Variants in IQSEC3 observed in about 807,000 individuals in gnomAD.
IQSEC3 encodes IQ motif and Sec7 domain ArfGEF 3, also known as IQ motif and SEC7 domain-containing protein 3.
A neutral mutation model predicts 105.4 loss-of-function variants in IQSEC3; 50 were observed. That is an observed-to-expected ratio of 0.47 (90% CI 0.38 to 0.60). The LOEUF is 0.60. Among genes scored for constraint, IQSEC3 ranks in the 20% least tolerant of loss-of-function variants. IQSEC3 has a pLI of 0.00. For missense variants in IQSEC3, 1,415 were observed against 1,630.0 expected (o/e 0.87, Z 2.27); for synonymous variants, 708 against 746.0 (o/e 0.95, Z 0.83).
intron 3 of IQSEC3, among the ~76,000 whole-genome samples, chr12:127,653 G>A (rs1375566238): frequency 3.3e-5 from 5 of 152,196 alleles, no homozygotes; most frequent in Admixed American, 6.5e-5. Context: ...ACTAGCATAA[G>A]ACATTCAGGC....
At chr12:94,379 T>C (rs1458651749) in intron 1 of IQSEC3, among the ~76,000 whole-genome samples, 1 of 152,198 alleles carries the variant, frequency 6.6e-6, no homozygotes, top group Non-Finnish European at 1.5e-5. Flanking sequence ...ACTTAGACCA[T>C]GACCTTGGGC....
In IQSEC3 at chr12:138,096, G is replaced by A. The variant is rs538354204; in HGVS notation, c.904-171G>A. Among the ~76,000 whole-genome samples the A allele has an allele frequency of 6.6e-6, 1 of 152,088 alleles. No homozygotes were observed. Among genetic ancestry groups the A allele is most frequent in the African/African-American group, 2.4e-5 (1 of 41,474 alleles). ...CCTACACCTCTAGGAGTCTTGCCAC[G>A]TGGCCAGGACGTTCTAGGCGGTTCA... On this transcript the variant is annotated intron_variant, in intron 3 of 13. Transcript: ENST00000538872. This position sits in a 1 kb window ranked among gnomAD's most constrained non-coding sequence, Gnocchi z 7.1.
At chr12:132,186 G>C (rs1038888500) in intron 3 of IQSEC3, among the ~76,000 whole-genome samples, 25 of 152,156 alleles carry the variant, frequency 1.6e-4, no homozygotes, top group African/African-American at 5.6e-4. Flanking sequence ...CTACCTGGAG[G>C]AAAGGGGAGG....
intron 4 of IQSEC3, 118 bp downstream of exon 4, chr12:139,472 T>A: frequency 1.3e-6 from 1 of 781,968 alleles, no homozygotes; most frequent in Non-Finnish European, 2.0e-6. Flanking sequence ...CATGCCAGGG[T>A]CCTCCAGGCA....
chr12:116,197 A>T (rs1865042427), intron 2 of IQSEC3, among the ~76,000 whole-genome samples: 1 of 152,156 alleles, frequency 6.6e-6, no homozygotes, highest in African/African-American at 2.4e-5. Flanking sequence ...CAGGAGTTTA[A>T]GCGACTTGCC....
rs1237452447 is a variant in IQSEC3 at position 178,419 on chromosome 12, TAG to T, written c.*3389_*3390del. The T allele has an allele frequency of 1.3e-5, 2 of 152,226 alleles. No individual in the cohort carries two copies. Among genetic ancestry groups the T allele is most frequent in the African/African-American group, 4.8e-5 (2 of 41,464 alleles). 9.4% of individuals were successfully genotyped at this position (152,226 alleles called of 1,614,324 possible). On this transcript the variant is annotated 3_prime_UTR_variant, in exon 14 of 14. Transcript: ENST00000538872. ...AGAGGTATTTTATCTGTTCAATTCA[TAG>T]AGTTTTAGAGATTATATTGAAAGAT...
At chr12:133,701 A>G (rs1218819662) in intron 3 of IQSEC3, among the ~76,000 whole-genome samples, 2 of 151,518 alleles carry the variant, frequency 1.3e-5, no homozygotes, top group African/African-American at 2.4e-5. Context: ...TTGGGTCAGT[A>G]TCTGGCATTT....
intron 1 of IQSEC3, among the ~76,000 whole-genome samples, chr12:72,079 C>T (rs1227651233): frequency 3.9e-5 from 6 of 152,408 alleles, no homozygotes; most frequent in Non-Finnish European, 7.3e-5. Context: ...GATTGTCTCA[C>T]TCCTCCTTAC....
chr12:75,541 C>G (rs1244456992), intron 1 of IQSEC3, among the ~76,000 whole-genome samples: 4 of 152,132 alleles, frequency 2.6e-5, no homozygotes, highest in African/African-American at 7.3e-5. Flanking sequence ...TTTCTAGGAT[C>G]TTAAAATAAT....
intron 7 of IQSEC3, among the ~76,000 whole-genome samples, chr12:160,820 C>T (rs1216506414): frequency 1.3e-5 from 2 of 152,168 alleles, no homozygotes; most frequent in Non-Finnish European, 2.9e-5. Flanking sequence ...TTGCTAAATC[C>T]ATCCACTTAT....
At chr12:117,373 A>G (rs935508348) in intron 2 of IQSEC3, among the ~76,000 whole-genome samples, 13 of 152,352 alleles carry the variant, frequency 8.5e-5, no homozygotes, top group African/African-American at 1.9e-4. Flanking sequence ...ATGACAATGT[A>G]AAATGCTCAA....
In IQSEC3 at chr12:174,847, C is replaced by T. The variant is rs755106942; in HGVS notation, c.3363C>T (p.Tyr1121=). Reference sequence around the variant, plus strand: ...TGCTGAGCCAGGCTCTCTCCTGCTACACCTCGTCGTCCTCTGACTCCTGCG... The same window carrying T: ...TGCTGAGCCAGGCTCTCTCCTGCTATACCTCGTCGTCCTCTGACTCCTGCG... ...EPLLSQALSC[Y]TSSSSDSCGS... Residue 1121 remains tyrosine (Y), a synonymous_variant, in exon 14 of 14, where the codon TAC becomes TAT. Transcript: ENST00000538872. 9 of 1,579,520 alleles carry T rather than the reference C, an allele frequency of 5.7e-6. No individual in the cohort carries two copies. In the African/African-American group the frequency reaches 8.1e-5, roughly 14 times the overall value.
intron 2 of IQSEC3, among the ~76,000 whole-genome samples, chr12:106,221 A>G (rs1555077870): frequency 6.6e-6 from 1 of 152,238 alleles, no homozygotes; most frequent in Non-Finnish European, 1.5e-5. Context: ...CATGTGGCTG[A>G]TGAAGAGCAG....
chr12:79,584 C>T (rs1233328740), intron 1 of IQSEC3, among the ~76,000 whole-genome samples: 5 of 152,066 alleles, frequency 3.3e-5, no homozygotes, highest in Admixed American at 6.5e-5. Context: ...GCATGCATCA[C>T]GACACCTGAC....
At chr12:148,271 G>C (rs1866362369) in intron 5 of IQSEC3, 1 of 152,168 alleles carries the variant, frequency 6.6e-6, no homozygotes, top group African/African-American at 2.4e-5. Flanking sequence ...CAAACTCTCA[G>C]TTCCCGCTCC....
At position 92,974 on chromosome 12, in the gene IQSEC3, G is replaced by A. The variant is rs184675436; in HGVS notation, c.555-6172G>A. On this transcript the variant is annotated intron_variant, in intron 1 of 13. Transcript: ENST00000538872. ...CTTTCTTTCTGTCATTTTCACAGAT[G>A]AAATAAAAGGGCTGGGTCAGGAAGG... Among the ~76,000 whole-genome samples, 122 of 152,310 alleles carry A rather than the reference G, an allele frequency of 8.0e-4. 2 individuals carry two copies. The highest frequency in any genetic ancestry group is 3.1e-3 in the Admixed American group (48 of 15,310).
rs1390369464 is a variant in IQSEC3, at chr12:110,529, G to A, written c.623+11315G>A. On this transcript the variant is annotated intron_variant, in intron 2 of 13. Transcript: ENST00000538872. ...CCTGCACTGGGGCCTGATCTCTGAG[G>A]TTATTGTTATCCCCTCTGGGATTTG... Among the ~76,000 whole-genome samples the A allele has an allele frequency of 2.6e-5, 4 of 151,920 alleles. No individual in the cohort carries two copies. In the East Asian group the frequency reaches 5.8e-4, roughly 22 times the overall value.
chr12:129,438 T>C (rs1865519429), intron 3 of IQSEC3, among the ~76,000 whole-genome samples: 1 of 152,150 alleles, frequency 6.6e-6, no homozygotes, highest in African/African-American at 2.4e-5. Flanking sequence ...TGCTGGCCCC[T>C]TCCCCAGCAC....
At chr12:95,759 A>G (rs554993468) in intron 1 of IQSEC3, among the ~76,000 whole-genome samples, 1 of 152,340 alleles carries the variant, frequency 6.6e-6, no homozygotes, top group South Asian at 2.1e-4. Context: ...TCATTTAACA[A>G]TATGTTGTGG....
Sources: allele counts gnomAD v4.1 joint callset (sites outside exome capture counted in the v4.1 genomes callset), GRCh38; gene constraint gnomAD v4.1.1; non-coding constraint Gnocchi (gnomAD v3.1); transcripts MANE v1.5; gene names NCBI Gene and HGNC (gene_info 2026-07-23, HGNC 2026-07-21).